Variants in CNTNAP5 observed in about 807,000 individuals in gnomAD.
CNTNAP5 encodes the protein contactin-associated protein-like 5.
Under a neutral mutation model 150.2 loss-of-function variants are expected in CNTNAP5, and 72 were observed. The observed-to-expected ratio is 0.48, with a 90% confidence interval of 0.40 to 0.58. The LOEUF (loss-of-function observed/expected upper bound fraction) is 0.58. Among genes scored for constraint, CNTNAP5 ranks in the 20% least tolerant of loss-of-function variants. The probability of loss-of-function intolerance (pLI) is 0.00; values close to 1 mark genes in which losing one functional copy is unlikely to be tolerated. For missense variants in CNTNAP5, 1,636 were observed against 1,626.2 expected (o/e 1.01, Z -0.10); for synonymous variants, 672 against 619.8 (o/e 1.08, Z -1.25).
chr2:124,167,364 C>T (rs1558783454), intron 1 of CNTNAP5, among the ~76,000 whole-genome samples: 1 of 152,118 alleles, frequency 6.6e-6, no homozygotes, highest in Non-Finnish European at 1.5e-5. Flanking sequence ...TTCTTTTACA[C>T]TCCAGGGTCA....
At chr2:124,658,472 C>A (rs141365625) in intron 13 of CNTNAP5, among the ~76,000 whole-genome samples, 10 of 147,986 alleles carry the variant, frequency 6.8e-5, no homozygotes, top group Admixed American at 4.7e-4. Context: ...AGGAACTTGT[C>A]GGGGTTAGTA....
rs74764844 is a variant in CNTNAP5, at chr2:124,904,053, C to CAAAA, written c.3655+961_3655+964dup. 3.0e-3 allele frequency among the ~76,000 whole-genome samples: 267 copies of CAAAA among 88,446 alleles called. 12 individuals carry two copies. The highest frequency in any genetic ancestry group is 4.5e-3 in the Non-Finnish European group (218 of 48,388). The allele number at this position is 88,446 out of a possible 152,430, so 58.0% of individuals were successfully genotyped here. ...TGGGGTATAGAGTGAGACTCTGTTT[C>CAAAA]AAAAAAAAAAACAAAAAAAAAAAAA... On this transcript the variant is annotated intron_variant, in intron 22 of 23. Transcript: ENST00000682447.
At chr2:124,551,375 A>G (rs1046338941) in intron 10 of CNTNAP5, among the ~76,000 whole-genome samples, 2 of 152,168 alleles carry the variant, frequency 1.3e-5, no homozygotes, top group Non-Finnish European at 2.9e-5. Context: ...TGGAGATCCA[A>G]CTGTGGGGGT....
chr2:124,216,777 T>G (rs1686167842), intron 1 of CNTNAP5, among the ~76,000 whole-genome samples: 1 of 152,212 alleles, frequency 6.6e-6, no homozygotes, highest in African/African-American at 2.4e-5. Context: ...ATTTTCTTAA[T>G]CCAGTCTATC....
chr2:124,068,184 T>C (rs565025470), intron 1 of CNTNAP5, among the ~76,000 whole-genome samples: 1 of 152,006 alleles, frequency 6.6e-6, no homozygotes, highest in South Asian at 2.1e-4. Flanking sequence ...GGAAGAGGCA[T>C]TGAAGAGACT....
intron 1 of CNTNAP5, among the ~76,000 whole-genome samples, chr2:124,115,332 T>G (rs1401741882): frequency 5.3e-5 from 8 of 152,194 alleles, no homozygotes; most frequent in Non-Finnish European, 1.2e-4. Flanking sequence ...AATTTACTTT[T>G]TATTAATCAC....
chr2:124,782,634 C>T lies in CNTNAP5; in HGVS notation c.2753-7268C>T, dbSNP rs1289307009. Among the ~76,000 whole-genome samples the T allele has an allele frequency of 2.0e-5, 3 of 151,862 alleles. No individual in the cohort carries two copies. In the East Asian group the frequency reaches 5.8e-4, roughly 29 times the overall value. On this transcript the variant is annotated intron_variant, in intron 17 of 23. Transcript: ENST00000682447. ...CTGTAGTTTGTAAAATAATCACTGG[C>T]ATTTAGCATATTGACCAAAGAACTT...
At chr2:124,222,408 G>C (rs184201304) in intron 2 of CNTNAP5, among the ~76,000 whole-genome samples, 1 of 152,028 alleles carries the variant, frequency 6.6e-6, no homozygotes, top group Admixed American at 6.6e-5. Context: ...AGGCAGATAC[G>C]TTTTAGTCAG....
At chr2:124,747,200 C>T (rs1680620849) in intron 13 of CNTNAP5, 29 bp from the exon 14 acceptor site, 1 of 1,606,322 alleles carries the variant, frequency 6.2e-7, no homozygotes, top group South Asian at 1.1e-5. Flanking sequence ...CTTGCCCTAC[C>T]CTGACTGGTG....
intron 3 of CNTNAP5, among the ~76,000 whole-genome samples, chr2:124,391,819 G>A (rs1156733424): frequency 7.2e-5 from 11 of 152,114 alleles, no homozygotes; most frequent in Admixed American, 2.6e-4. Context: ...AGCCGGGCGC[G>A]GTGGCGGGCG....
intron 18 of CNTNAP5, among the ~76,000 whole-genome samples, chr2:124,791,959 A>T (rs746953409): frequency 5.9e-5 from 9 of 152,128 alleles, no homozygotes; most frequent in African/African-American, 1.2e-4. Context: ...TGTAAGTAAG[A>T]TGGCCTTTTT....
At chr2:124,881,013 G>C (rs927197513) in intron 21 of CNTNAP5, among the ~76,000 whole-genome samples, 1 of 152,098 alleles carries the variant, frequency 6.6e-6, no homozygotes, top group Non-Finnish European at 1.5e-5. Flanking sequence ...CAGTAAATAG[G>C]CCATCTGAGA....
intron 3 of CNTNAP5, among the ~76,000 whole-genome samples, chr2:124,263,885 C>T (rs964328897): frequency 2.0e-5 from 3 of 152,152 alleles, no homozygotes; most frequent in African/African-American, 7.2e-5. Context: ...GTTTTCCCAG[C>T]ACCATTTATT....
chr2:124,586,071 G>A (rs1696529926), intron 11 of CNTNAP5, among the ~76,000 whole-genome samples: 1 of 152,096 alleles, frequency 6.6e-6, no homozygotes, highest in African/African-American at 2.4e-5. Context: ...TCTGGAATAA[G>A]CCTCAGGCAA....
At chr2:124,833,592 A>G (rs923162106) in intron 19 of CNTNAP5, among the ~76,000 whole-genome samples, 1 of 152,208 alleles carries the variant, frequency 6.6e-6, no homozygotes, top group African/African-American at 2.4e-5. Flanking sequence ...AATCCTTCAG[A>G]GAGGTTATCA....
intron 3 of CNTNAP5, among the ~76,000 whole-genome samples, chr2:124,373,406 G>C (rs1400013142): frequency 6.6e-6 from 1 of 152,110 alleles, no homozygotes; most frequent in African/African-American, 2.4e-5. Context: ...AAGGAATGGA[G>C]AGACAGCCCA....
intron 3 of CNTNAP5, among the ~76,000 whole-genome samples, chr2:124,260,061 T>G (rs536563905): frequency 7.8e-4 from 119 of 152,202 alleles, no homozygotes; most frequent in African/African-American, 2.6e-3. Flanking sequence ...CATTGCCAAG[T>G]CAATCCTAAG....
At chr2:124,183,193 T>G (rs1217498897) in intron 1 of CNTNAP5, among the ~76,000 whole-genome samples, 2 of 152,198 alleles carry the variant, frequency 1.3e-5, no homozygotes, top group Middle Eastern at 3.2e-3. Context: ...TGGCATTTAA[T>G]AAACATTCCA....
At chr2:124,891,605 T>TTCCAA (rs1678195940) in intron 21 of CNTNAP5, among the ~76,000 whole-genome samples, 1 of 152,130 alleles carries the variant, frequency 6.6e-6, no homozygotes, top group Admixed American at 6.6e-5. Context: ...CCTGGAAGTC[T>TTCCAA]GATTCCTTGG....
Sources: gnomAD v4.1 joint callset for allele counts (sites outside exome capture counted in the v4.1 genomes callset) on GRCh38, gnomAD v4.1.1 for gene constraint, MANE v1.5 for transcripts, NCBI Gene and HGNC (gene_info 2026-07-23, HGNC 2026-07-21) for gene names.